Variants in PKD1L1 observed in about 807,000 individuals in gnomAD.
The protein encoded by PKD1L1 is polycystin-1-like protein 1.
PKD1L1 carries 236 observed loss-of-function variants against 323.4 expected under a neutral mutation model. That is an observed-to-expected ratio of 0.73 (90% CI 0.66 to 0.81). PKD1L1 has a LOEUF of 0.81. PKD1L1 is among the 40% of genes least tolerant of loss of function. PKD1L1 has a pLI of 0.00. For missense variants in PKD1L1, 3,320 were observed against 3,508.0 expected, an observed-to-expected ratio of 0.95 and a Z score of 1.35; for synonymous variants, 1,344 against 1,335.0, an observed-to-expected ratio of 1.01 and a Z score of -0.15.
intron 56 of PKD1L1, among the ~76,000 whole-genome samples, chr7:47,789,359 G>A (rs1050386832): frequency 1.3e-5 from 2 of 152,062 alleles, no homozygotes; most frequent in African/African-American, 4.8e-5. Context: ...TTTCCTAAAG[G>A]TTATTTTCTG....
chr7:47,816,708 G>T (rs1040415582), intron 46 of PKD1L1, among the ~76,000 whole-genome samples: 2 of 152,226 alleles, frequency 1.3e-5, no homozygotes, highest in African/African-American at 4.8e-5. Context: ...GAAGAAGTTA[G>T]AAAGTCACCC....
chr7:47,821,722 C>T (rs1315366557), intron 45 of PKD1L1, among the ~76,000 whole-genome samples: 1 of 148,824 alleles, frequency 6.7e-6, no homozygotes, highest in Non-Finnish European at 1.5e-5. Flanking sequence ...CAATCTAGCT[C>T]TGTTACCTAG....
In PKD1L1 at chr7:47,833,271, G is replaced by T. The variant is rs1785387006; in HGVS notation, c.6175-19C>A. On this transcript the variant is annotated intron_variant, in intron 40 of 56. Coordinates refer to ENST00000289672, the MANE Select transcript of PKD1L1 (RefSeq NM_138295.5). ...CAGGTTGCTAGAATGACAAGGTCAT[G>T]CCAAGGTTAATATCTCCACAGACAG... 1 of 1,608,766 alleles carries T rather than the reference G, an allele frequency of 6.2e-7. No individual in the cohort carries two copies. The highest frequency in any genetic ancestry group is 8.5e-7 in the Non-Finnish European group (1 of 1,177,074).
chr7:47,925,760 G>A (rs573986539), intron 7 of PKD1L1, among the ~76,000 whole-genome samples: 4 of 152,254 alleles, frequency 2.6e-5, no homozygotes, highest in Admixed American at 2.0e-4. Context: ...GGCCCTGAAA[G>A]AAATCAAAGT....
At chr7:47,879,935 A>ACGAC (rs57098310) in intron 21 of PKD1L1, among the ~76,000 whole-genome samples, 1 of 147,536 alleles carries the variant, frequency 6.8e-6, no homozygotes, top group African/African-American at 2.5e-5. Context: ...CGTCTCAACA[A>ACGAC]AAAAATAAAA....
At position 47,907,955 on chromosome 7, in the gene PKD1L1, G is replaced by T. The variant is rs1457487496; in HGVS notation, c.1402+122C>A. On this transcript the variant is annotated intron_variant, in intron 9 of 56. Transcript: ENST00000289672. ...CATATTTTCTGAATTAGGGAAGAAT[G>T]AATGAAGGATGTTGTATCAAATTTA... 3 of 925,760 alleles carry T rather than the reference G, an allele frequency of 3.2e-6. No individual in the cohort carries two copies. In the Admixed American group the frequency reaches 9.4e-5, roughly 29 times the overall value. 57.3% of individuals were successfully genotyped at this position (925,760 alleles called of 1,614,324 possible).
chr7:47,855,644 A>T (rs1700906188), intron 28 of PKD1L1, among the ~76,000 whole-genome samples: 1 of 97,336 alleles, frequency 1.0e-5, no homozygotes, highest in African/African-American at 6.1e-5. Flanking sequence ...TGGGAGGCCG[A>T]GGCGGGCGGA....
In PKD1L1 at chr7:47,840,512, C is replaced by T. The variant is rs1785544709; in HGVS notation, c.5501G>A (p.Cys1834Tyr). 1.2e-6 allele frequency: 2 copies of T among 1,614,042 alleles called. No individual in the cohort carries two copies. The highest frequency in any genetic ancestry group is 3.3e-5 in the Admixed American group (2 of 60,006). Residue 1834 changes from cysteine to tyrosine, a missense_variant, in exon 35 of 57, where the codon TGT becomes TAT. Transcript: ENST00000289672. This position sits in a 1 kb window ranked among gnomAD's most constrained non-coding sequence, Gnocchi z 4.1. The stretch of plus-strand genomic sequence containing the variant: ...CCTTTCAAACAGGGGCTTCTCTGGA[C>T]AGGAGAGCTCCTTGGTTTCTGACAG... The part of the protein sequence containing the change: ...NGLSETKELS[C>Y]PEKPLFERNS...
intron 54 of PKD1L1, 139 bp from the exon 55 acceptor site, chr7:47,796,289 G>A: frequency 5.5e-6 from 5 of 915,334 alleles, no homozygotes; most frequent in South Asian, 4.1e-5. Context: ...GTGATTTCTT[G>A]GTGAAAAAAA....
intron 56 of PKD1L1, among the ~76,000 whole-genome samples, chr7:47,786,785 A>G (rs1786816870): frequency 6.6e-6 from 1 of 152,206 alleles, no homozygotes; most frequent in Non-Finnish European, 1.5e-5. Context: ...GCAGGGCAAG[A>G]GCTCGGAGGT....
the PKD1L1 span, among the ~76,000 whole-genome samples, chr7:47,954,755 A>G: frequency 6.6e-6 from 1 of 152,168 alleles, no homozygotes; most frequent in Non-Finnish European, 1.5e-5. Flanking sequence ...TCCAACCACC[A>G]CAGGTGGTCA....
At chr7:47,813,321 C>A (rs201841318) in intron 48 of PKD1L1, 28 bp from the exon 49 acceptor site, 56 of 1,612,042 alleles carry the variant, frequency 3.5e-5, no homozygotes, top group Non-Finnish European at 4.6e-5. Flanking sequence ...AGTCAGAAGA[C>A]ACAGATACTA....
At chr7:47,798,784 A>C (rs1048784959) in intron 54 of PKD1L1, among the ~76,000 whole-genome samples, 1 of 151,614 alleles carries the variant, frequency 6.6e-6, no homozygotes, top group Non-Finnish European at 1.5e-5. Context: ...ACCAAAAACA[A>C]AGAAACAAAA....
intron 4 of PKD1L1, among the ~76,000 whole-genome samples, chr7:47,934,989 G>A (rs528481124): frequency 6.6e-6 from 1 of 152,290 alleles, no homozygotes; most frequent in South Asian, 2.1e-4. Context: ...GAGTCAATGA[G>A]CTCCCGCAGA....
At chr7:47,959,619 C>T in the PKD1L1 span, among the ~76,000 whole-genome samples, 57 of 98,912 alleles carry the variant, frequency 5.8e-4, 1 homozygote, top group African/African-American at 1.1e-3. Context: ...GGAGCCCCTC[C>T]GCCCGGCAGC....
At chr7:47,957,866 T>A in the PKD1L1 span, among the ~76,000 whole-genome samples, 57 of 146,804 alleles carry the variant, frequency 3.9e-4, 1 homozygote, top group East Asian at 8.0e-4. Flanking sequence ...AAAAAAAATA[T>A]ATATATATAT....
intron 53 of PKD1L1, 131 bp downstream of exon 53, chr7:47,803,079 G>T: frequency 1.8e-6 from 2 of 1,116,252 alleles, no homozygotes; most frequent in Non-Finnish European, 1.3e-6. Context: ...ACACTGTAAG[G>T]GATTAGAAGA....
intron 37 of PKD1L1, 81 bp from the exon 38 acceptor site, chr7:47,835,324 C>T: frequency 1.3e-5 from 11 of 820,674 alleles, no homozygotes; most frequent in Non-Finnish European, 1.9e-5. Context: ...ATTACAAATA[C>T]ATGTAATGTG....
At chr7:47,874,053 G>T in intron 23 of PKD1L1, 43 bp from the exon 24 acceptor site, 1 of 1,263,700 alleles carries the variant, frequency 7.9e-7, no homozygotes, top group Non-Finnish European at 1.1e-6. Context: ...TGGACATGTG[G>T]GTTACAGAGA....
Sources: gnomAD v4.1 joint callset for allele counts (sites outside exome capture counted in the v4.1 genomes callset) on GRCh38, gnomAD v4.1.1 for gene constraint, Gnocchi (gnomAD v3.1) non-coding constraint, MANE v1.5 for transcripts, NCBI Gene and HGNC (gene_info 2026-07-23, HGNC 2026-07-21) for gene names.